Variants in STXBP4 observed in about 807,000 individuals in gnomAD.
STXBP4 encodes syntaxin-binding protein 4.
In STXBP4, 55 loss-of-function variants were observed where a neutral mutation model predicts 76.1. The observed-to-expected ratio is 0.72, with a 90% CI of 0.58 to 0.91. The LOEUF is 0.91. Ranked by LOEUF, STXBP4 falls within the 40% of genes least tolerant of loss-of-function variation. STXBP4 has a pLI of 0.00. For missense variants in STXBP4, 618 were observed against 636.9 expected, an observed-to-expected ratio of 0.97 and a Z score of 0.32; for synonymous variants, 201 against 220.2, an observed-to-expected ratio of 0.91 and a Z score of 0.77.
the STXBP4 span, among the ~76,000 whole-genome samples, chr17:55,201,703 G>A: frequency 0.014 from 2,191 of 152,248 alleles, 46 homozygotes; most frequent in African/African-American, 0.049. Flanking sequence ...CAAAGACAGG[G>A]ACGACCAAGG....
chr17:54,990,301 G>A (rs1004654150), intron 3 of STXBP4, among the ~76,000 whole-genome samples: 17 of 151,694 alleles, frequency 1.1e-4, no homozygotes, highest in African/African-American at 4.1e-4. Context: ...CGACACAGCA[G>A]GAGGTGAGTC....
intron 8 of STXBP4, among the ~76,000 whole-genome samples, chr17:55,008,519 G>A (rs2078048602): frequency 6.6e-6 from 1 of 152,080 alleles, no homozygotes; most frequent in Admixed American, 6.6e-5. Flanking sequence ...AAAATAGCAT[G>A]CAGATTTATT....
At chr17:55,156,188 A>G (rs1405053569) in intron 17 of STXBP4, among the ~76,000 whole-genome samples, 1 of 152,138 alleles carries the variant, frequency 6.6e-6, no homozygotes, top group South Asian at 2.1e-4. Context: ...TAAATTTTTT[A>G]TACTAAATTT....
At chr17:54,972,455 C>A (rs1290013295) in intron 1 of STXBP4, among the ~76,000 whole-genome samples, 3 of 152,056 alleles carry the variant, frequency 2.0e-5, no homozygotes, top group African/African-American at 7.2e-5. Flanking sequence ...CTTGTTTATT[C>A]GTTTACATCA....
chr17:55,185,758 C>G, the STXBP4 span, among the ~76,000 whole-genome samples: 1 of 152,166 alleles, frequency 6.6e-6, no homozygotes, highest in Non-Finnish European at 1.5e-5. Context: ...AGGAGACAGA[C>G]TCAACGCATC....
chr17:54,982,372 A>C (rs746439345), intron 1 of STXBP4, among the ~76,000 whole-genome samples: 1 of 152,220 alleles, frequency 6.6e-6, no homozygotes, highest in African/African-American at 2.4e-5. Context: ...AGACTTATCA[A>C]AGAAAAGCTC....
chr17:55,004,403 A>G (rs1351247065), intron 7 of STXBP4, among the ~76,000 whole-genome samples: 1 of 152,096 alleles, frequency 6.6e-6, no homozygotes, highest in African/African-American at 2.4e-5. Context: ...GAGGATAGGA[A>G]CAGAAAATCC....
chr17:55,159,693 A>G (rs2080319539), intron 17 of STXBP4, 104 bp from the exon 18 acceptor site: 1 of 655,162 alleles, frequency 1.5e-6, no homozygotes, highest in Non-Finnish European at 2.6e-6. Flanking sequence ...TTCCTATCAC[A>G]GGGACTTTAC....
intron 16 of STXBP4, among the ~76,000 whole-genome samples, chr17:55,111,295 C>T (rs2079711953): frequency 6.6e-6 from 1 of 152,154 alleles, no homozygotes; most frequent in Admixed American, 6.5e-5. Context: ...CCCTAACTAG[C>T]TGTCTAACCT....
At chr17:55,134,000 T>TG in intron 16 of STXBP4, among the ~76,000 whole-genome samples, 1 of 152,182 alleles carries the variant, frequency 6.6e-6, no homozygotes, top group Non-Finnish European at 1.5e-5. Flanking sequence ...TTGTCTTTAA[T>TG]TTTTTTTAAG....
chr17:55,200,050 C>T, the STXBP4 span, among the ~76,000 whole-genome samples: 3 of 152,168 alleles, frequency 2.0e-5, no homozygotes, highest in East Asian at 5.8e-4. Context: ...TTTAAATTCC[C>T]TTCTTTAAAG....
At chr17:55,044,884 A>T (rs1185667061) in intron 11 of STXBP4, 1 of 150,818 alleles carries the variant, frequency 6.6e-6, no homozygotes, top group African/African-American at 2.4e-5. Flanking sequence ...TATAAGAATT[A>T]TATCTCAGGC....
chr17:55,141,592 T>C (rs1002256201), intron 17 of STXBP4, among the ~76,000 whole-genome samples: 1 of 152,156 alleles, frequency 6.6e-6, no homozygotes, highest in Non-Finnish European at 1.5e-5. Context: ...CATCAAAAAA[T>C]TGGAACAGGA....
chr17:55,024,032 T>TA (rs1386706162), intron 8 of STXBP4, among the ~76,000 whole-genome samples: 3 of 146,928 alleles, frequency 2.0e-5, no homozygotes, highest in Admixed American at 6.7e-5. Flanking sequence ...TTTACAAAAG[T>TA]AAAAAAACTG....
intron 1 of STXBP4, among the ~76,000 whole-genome samples, chr17:54,971,891 G>T (rs2077405370): frequency 6.6e-6 from 1 of 151,982 alleles, no homozygotes; most frequent in South Asian, 2.1e-4. Context: ...CCATAGTGCT[G>T]GGATTACAGG....
intron 15 of STXBP4, among the ~76,000 whole-genome samples, chr17:55,080,299 A>T (rs1285375436): frequency 1.3e-5 from 2 of 152,136 alleles, no homozygotes; most frequent in African/African-American, 4.8e-5. Context: ...TATCCTCTAC[A>T]TGGATATTGG....
At chr17:55,077,278 C>G (rs2079195045) in intron 13 of STXBP4, among the ~76,000 whole-genome samples, 1 of 152,086 alleles carries the variant, frequency 6.6e-6, no homozygotes, top group Non-Finnish European at 1.5e-5. Context: ...AAATATCTCT[C>G]CAGAGTTTTG....
chr17:54,976,285 G>C (rs1290848693), intron 1 of STXBP4, among the ~76,000 whole-genome samples: 1 of 152,204 alleles, frequency 6.6e-6, no homozygotes, highest in Admixed American at 6.5e-5. Context: ...ACTGAGTTGG[G>C]CTGTGTGTTA....
rs890766635 is a variant in STXBP4 at position 55,116,202 on chromosome 17, C to T, written c.1490-25108C>T. 2.6e-5 allele frequency among the ~76,000 whole-genome samples: 4 copies of T among 151,768 alleles called. No homozygotes were observed. In the East Asian group the frequency reaches 7.7e-4, roughly 29 times the overall value. ...TTCCCAAAGACCTGATAGATGTACT[C>T]AAATCATTGCTATGGAGCATGTTTG... On this transcript the variant is annotated intron_variant, in intron 16 of 17. Transcript: ENST00000376352.
Sources: gnomAD v4.1 joint callset for allele counts (sites outside exome capture counted in the v4.1 genomes callset) on GRCh38, gnomAD v4.1.1 for gene constraint, MANE v1.5 for transcripts, NCBI Gene and HGNC (gene_info 2026-07-23, HGNC 2026-07-21) for gene names.